Variants in NUDT12 observed in about 807,000 individuals in gnomAD.
NUDT12 encodes the protein nudix hydrolase 12.
NUDT12 carries 42 observed loss-of-function variants against 45.7 expected under a neutral mutation model. The observed-to-expected ratio is 0.92, with a 90% CI of 0.72 to 1.19. NUDT12 has a LOEUF of 1.19. NUDT12 is among the 50% of genes most tolerant of loss of function. The pLI, the probability that NUDT12 is intolerant of heterozygous loss-of-function variation, is 0.00. For synonymous variants in NUDT12, 206 were observed against 179.7 expected (o/e 1.15, Z -1.17); for missense variants, 590 against 533.1 (o/e 1.11, Z -1.05).
intron 4 of NUDT12, 46 bp from the exon 5 acceptor site, chr5:103,554,899 T>C: frequency 1.4e-6 from 1 of 721,104 alleles, no homozygotes; most frequent in Non-Finnish European, 2.4e-6. Context: ...GAAAAACGAA[T>C]TTAGATTCAT....
At chr5:103,556,779 A>G (rs944228099) in intron 3 of NUDT12, among the ~76,000 whole-genome samples, 3 of 152,242 alleles carry the variant, frequency 2.0e-5, no homozygotes, top group Non-Finnish European at 2.9e-5. Context: ...AGTTGAGGCA[A>G]TAAGACTAGA....
At chr5:103,562,353 A>G (rs545841201) in intron 1 of NUDT12, among the ~76,000 whole-genome samples, 1 of 152,278 alleles carries the variant, frequency 6.6e-6, no homozygotes, top group African/African-American at 2.4e-5. Flanking sequence ...CCACCCGTGC[A>G]CGGTCTCTGA....
intron 1 of NUDT12, among the ~76,000 whole-genome samples, chr5:103,561,409 GTCTT>G (rs1365634496): frequency 7.9e-5 from 12 of 152,056 alleles, no homozygotes; most frequent in Admixed American, 7.9e-4. Context: ...TCCTATTTGT[GTCTT>G]TCTGCTACTT....
chr5:103,554,972 T>C (rs951591457), intron 4 of NUDT12, 119 bp from the exon 5 acceptor site: 2 of 422,772 alleles, frequency 4.7e-6, no homozygotes, highest in South Asian at 1.9e-4. Context: ...AGAACTCTTG[T>C]CTGGTTGTAA....
intron 3 of NUDT12, 79 bp from the exon 4 acceptor site, chr5:103,556,177 T>C: frequency 1.9e-6 from 2 of 1,038,896 alleles, no homozygotes; most frequent in Non-Finnish European, 2.6e-6. Flanking sequence ...GTTCTCAAGC[T>C]ACAATAAGAA....
rs765781917 is a variant in NUDT12, at chr5:103,550,878, T to A, written c.1372A>T (p.Ile458Leu). 1 of 1,607,426 alleles carries A rather than the reference T, an allele frequency of 6.2e-7. No homozygotes were observed. Among genetic ancestry groups the A allele is most frequent in the South Asian group, 1.1e-5 (1 of 90,940 alleles). ...AHQLIKHWIR[I>L]NPNL ...TCTTAGATTTAGAGATTAGGATTTA[T>A]TCTAATCCAGTGTTTGATTAATTGA... Residue 458 changes from isoleucine to leucine, a missense_variant, in exon 7 of 7, where the codon ATA (isoleucine) becomes TTA (leucine). By Grantham distance (5) the Ile-to-Leu change is conservative. Transcript: ENST00000230792.
chr5:103,552,344 T>C lies in NUDT12; in HGVS notation c.1151A>G (p.Tyr384Cys), dbSNP rs780085544. Reference protein sequence around the residue: ...ESGVKVGHVQYVACQPWPMPS... With the variant: ...ESGVKVGHVQCVACQPWPMPS... Reference sequence around the variant, plus strand: ...CATTGGCCATGGTTGACAAGCAACATACTGAACATGGCCAACTTTGACTCC... The same window carrying C: ...CATTGGCCATGGTTGACAAGCAACACACTGAACATGGCCAACTTTGACTCC... The change falls in exon 6 of 7, where the codon TAT (tyrosine) becomes TGT (cysteine). Residue 384 changes from tyrosine (Y) to cysteine (C), a missense_variant. Transcript: ENST00000230792. 6.8e-6 allele frequency: 11 copies of C among 1,613,804 alleles called. No homozygotes were observed. The East Asian group carries it at 8.9e-5, about 13-fold the overall frequency.
chr5:103,560,172 G>C lies in NUDT12; in HGVS notation c.77C>G (p.Ala26Gly). 6.2e-7 allele frequency: 1 copy of C among 1,613,512 alleles called. No individual in the cohort carries two copies. Among genetic ancestry groups the C allele is most frequent in the Non-Finnish European group, 8.5e-7 (1 of 1,179,520 alleles). Residue 26 changes from alanine (A) to glycine (G), a missense_variant, in exon 2 of 7, where the codon GCC becomes GGC. Coordinates refer to ENST00000230792, the MANE Select transcript of NUDT12 (RefSeq NM_031438.4). ...ATGACTGAGTATTCCTGTTAACTTGGCAATATCTCCTTCAGCAGCTGAACA... is the reference window on the plus strand; with the variant it reads ...ATGACTGAGTATTCCTGTTAACTTGCCAATATCTCCTTCAGCAGCTGAACA... ...FHCSAAEGDIAKLTGILSHSP... is the reference protein window; with the variant it reads ...FHCSAAEGDIGKLTGILSHSP...
chr5:103,559,191 G>C lies in NUDT12; in HGVS notation c.484C>G (p.Leu162Val). ...LFSDLNPLVT[L>V]GGNKESFQQP... ...TGGAAACTTTCTTTATTGCCACCTA[G>C]AGTAACCAAGGGATTTAAATCTGAG... Residue 162 changes from leucine to valine, a missense_variant, in exon 3 of 7, where the codon CTA (leucine) becomes GTA (valine). Transcript: ENST00000230792. The C allele has an allele frequency of 6.4e-7, 1 of 1,559,008 alleles. No homozygotes were observed. Among genetic ancestry groups the C allele is most frequent in the Non-Finnish European group, 8.6e-7 (1 of 1,156,484 alleles).
At chr5:103,556,467 C>A (rs1177198833) in intron 3 of NUDT12, among the ~76,000 whole-genome samples, 1 of 151,874 alleles carries the variant, frequency 6.6e-6, no homozygotes, top group Non-Finnish European at 1.5e-5. Flanking sequence ...AAATATACCA[C>A]AAAGTCAGTT....
At position 103,550,943 on chromosome 5, in the gene NUDT12, T is replaced by C; in HGVS notation, c.1307A>G (p.Gln436Arg). ...QVLDVLTKGK[Q>R]QAFFVPPSRA... ...GCTTGGTGGCACAAAGAATGCCTGCTGCTTCCCTTTGGTCAGAACATCCAG... is the reference window on the plus strand; with the variant it reads ...GCTTGGTGGCACAAAGAATGCCTGCCGCTTCCCTTTGGTCAGAACATCCAG... Residue 436 changes from glutamine (Q) to arginine (R), a missense_variant, in exon 7 of 7, where the codon CAG becomes CGG. Physicochemically the swap from Gln to Arg is conservative, Grantham distance 43. Coordinates refer to ENST00000230792, the MANE Select transcript of NUDT12 (RefSeq NM_031438.4). 1 of 1,613,808 alleles carries C rather than the reference T, an allele frequency of 6.2e-7. No individual in the cohort carries two copies. The highest frequency in any genetic ancestry group is 8.5e-7 in the Non-Finnish European group (1 of 1,179,830).
intron 1 of NUDT12, 23 bp from the exon 2 acceptor site, chr5:103,560,277 G>A: frequency 6.6e-7 from 1 of 1,509,474 alleles, no homozygotes; most frequent in Non-Finnish European, 9.2e-7. Flanking sequence ...AAAATCAGGG[G>A]AAAAAGCTTA....
chr5:103,553,801 A>T (rs1405089593), intron 5 of NUDT12, among the ~76,000 whole-genome samples: 1 of 152,074 alleles, frequency 6.6e-6, no homozygotes, highest in Non-Finnish European at 1.5e-5. Context: ...ACCTAGAACT[A>T]CTAAAGACAG....
intron 4 of NUDT12, among the ~76,000 whole-genome samples, chr5:103,555,533 A>G (rs185044962): frequency 1.1e-3 from 172 of 152,128 alleles, no homozygotes; most frequent in Non-Finnish European, 1.9e-3. Flanking sequence ...TCTACAGCAG[A>G]CTCAAGGCAG....
At chr5:103,551,123 T>G (rs1240272972) in intron 6 of NUDT12, 152 bp from the exon 7 acceptor site, 2 of 534,834 alleles carry the variant, frequency 3.7e-6, no homozygotes, top group Middle Eastern at 3.4e-4. Context: ...CATGCAAAGT[T>G]TTTTTTTTTT....
In NUDT12 at chr5:103,553,422, C is replaced by T. The variant is rs1048750662; in HGVS notation, c.1079-1006G>A. 3.3e-5 allele frequency among the ~76,000 whole-genome samples: 5 copies of T among 151,964 alleles called. No homozygotes were observed. The South Asian group carries it at 6.2e-4, about 19-fold the overall frequency. ...ATAGGCAAGAAAATGAAAATGAAAA[C>T]GAGATACGATTTCATTCACTCCTCA... is the stretch of plus-strand genomic sequence containing the variant. On this transcript the variant is annotated intron_variant, in intron 5 of 6. Coordinates refer to ENST00000230792, the MANE Select transcript of NUDT12 (RefSeq NM_031438.4).
chr5:103,559,582 G>A, intron 2 of NUDT12, 114 bp from the exon 3 acceptor site: 1 of 522,006 alleles, frequency 1.9e-6, no homozygotes, highest in Non-Finnish European at 3.1e-6. Flanking sequence ...TCTTTTTAAT[G>A]ATTACATAGA....
rs1485431200 is a variant in NUDT12, at chr5:103,552,309, A to C, written c.1186T>G (p.Leu396Val). 1.2e-6 allele frequency: 2 copies of C among 1,613,934 alleles called. No individual in the cohort carries two copies. The highest frequency in any genetic ancestry group is 8.5e-7 in the Non-Finnish European group (1 of 1,179,874). Residue 396 changes from leucine to valine, a missense_variant, in exon 6 of 7, where the codon TTA becomes GTA. By Grantham distance (32) the Leu-to-Val change is conservative. Coordinates refer to ENST00000230792, the MANE Select transcript of NUDT12 (RefSeq NM_031438.4). Reference protein sequence around the residue: ...ACQPWPMPSSLMIGCLALAVS... With the variant: ...ACQPWPMPSSVMIGCLALAVS... The stretch of plus-strand genomic sequence containing the variant: ...GCTAGAGCTAAGCAACCAATCATTA[A>C]GGAGGAAGGCATTGGCCATGGTTGA...
At chr5:103,555,602 G>A (rs1748787914) in intron 4 of NUDT12, among the ~76,000 whole-genome samples, 1 of 151,994 alleles carries the variant, frequency 6.6e-6, no homozygotes, top group Admixed American at 6.6e-5. Flanking sequence ...GGGCCAGGCT[G>A]TACTGCTTTA....
Sources: gnomAD v4.1 joint callset for allele counts (sites outside exome capture counted in the v4.1 genomes callset) on GRCh38, gnomAD v4.1.1 for gene constraint, MANE v1.5 for transcripts, NCBI Gene and HGNC (gene_info 2026-07-23, HGNC 2026-07-21) for gene names.